VPS13D: variants seen among roughly 807,000 people sequenced by gnomAD.
VPS13D encodes intermembrane lipid transfer protein VPS13D.
Under a neutral mutation model 461.9 loss-of-function variants are expected in VPS13D, and 187 were observed. That is an observed-to-expected ratio of 0.40 (90% CI 0.36 to 0.46). VPS13D has a LOEUF of 0.46. VPS13D is among the 20% of genes least tolerant of loss of function. VPS13D has a pLI of 0.60. For synonymous variants in VPS13D, 1,951 were observed against 1,986.3 expected (o/e 0.98, Z 0.47); for missense variants, 4,711 against 5,364.9 (o/e 0.88, Z 3.81).
At chr1:12,506,629 A>G (rs1178632951) in intron 68 of VPS13D, among the ~76,000 whole-genome samples, 2 of 152,254 alleles carry the variant, frequency 1.3e-5, no homozygotes, top group East Asian at 1.9e-4. Context: ...GTTTTGTCCA[A>G]TAGAGTATTG....
chr1:12,363,034 G>A lies in VPS13D; in HGVS notation c.10273-38G>A, dbSNP rs753849565. Reference sequence around the variant, plus strand: ...TCAGTAACACTTATTGTCATGAATCGACTTGTTGACTAAAGCCTGTGATCC... The same window carrying A: ...TCAGTAACACTTATTGTCATGAATCAACTTGTTGACTAAAGCCTGTGATCC... On this transcript the variant is annotated intron_variant, in intron 51 of 69. Transcript: ENST00000620676. The A allele has an allele frequency of 6.2e-6, 10 of 1,608,558 alleles. No individual in the cohort carries two copies. The Admixed American group carries it at 1.3e-4, about 22-fold the overall frequency.
chr1:12,309,965 A>C (rs927144415), intron 27 of VPS13D, among the ~76,000 whole-genome samples: 1 of 152,096 alleles, frequency 6.6e-6, no homozygotes, highest in African/African-American at 2.4e-5. Context: ...GTGTTATTCA[A>C]GTGCTCCCTG....
chr1:12,263,725 A>AC lies in VPS13D; in HGVS notation c.1594+1646dup, dbSNP rs768646628. Among the ~76,000 whole-genome samples the AC allele has an allele frequency of 3.3e-4, 50 of 152,308 alleles. 3 individuals carry two copies. Among genetic ancestry groups the AC allele is most frequent in the Admixed American group, 2.2e-3 (33 of 15,302 alleles). On this transcript the variant is annotated intron_variant, in intron 13 of 69. Coordinates refer to ENST00000620676, the MANE Select transcript of VPS13D (RefSeq NM_015378.4). ...TTTTTTTAAAAAGCCAGTTTGTTTGACTTCATAATGTAGAAAATTGAGCTG... is the reference window on the plus strand; with the variant it reads ...TTTTTTTAAAAAGCCAGTTTGTTTGACCTTCATAATGTAGAAAATTGAGCTG...
intron 65 of VPS13D, among the ~76,000 whole-genome samples, chr1:12,418,056 G>A (rs960660387): frequency 6.6e-6 from 1 of 152,076 alleles, no homozygotes; most frequent in Non-Finnish European, 1.5e-5. Flanking sequence ...ACAGGTGCCC[G>A]GCACCACACC....
chr1:12,321,083 T>G (rs1221918136), intron 32 of VPS13D, among the ~76,000 whole-genome samples: 1 of 152,184 alleles, frequency 6.6e-6, no homozygotes, highest in Non-Finnish European at 1.5e-5. Flanking sequence ...GCAAAATAAT[T>G]TGGTCCTAGA....
At chr1:12,405,198 G>A (rs140379583) in intron 63 of VPS13D, among the ~76,000 whole-genome samples, 1 of 152,200 alleles carries the variant, frequency 6.6e-6, no homozygotes, top group Non-Finnish European at 1.5e-5. Flanking sequence ...CGCTCCAGCC[G>A]CTTGCTGTCA....
chr1:12,366,456 T>C (rs1426774618), intron 52 of VPS13D, among the ~76,000 whole-genome samples: 1 of 152,172 alleles, frequency 6.6e-6, no homozygotes, highest in East Asian at 1.9e-4. Context: ...GCATAATGTG[T>C]TCCCCGTAAG....
At chr1:12,443,938 T>A (rs1160797995) in intron 65 of VPS13D, among the ~76,000 whole-genome samples, 1 of 151,668 alleles carries the variant, frequency 6.6e-6, no homozygotes, top group Non-Finnish European at 1.5e-5. Context: ...CTCCACCTCC[T>A]GGATTCAAAC....
In VPS13D at chr1:12,322,600, C is replaced by A; in HGVS notation, c.7769C>A (p.Ala2590Glu). 1 of 1,614,226 alleles carries A rather than the reference C, an allele frequency of 6.2e-7. No individual in the cohort carries two copies. Among genetic ancestry groups the A allele is most frequent in the Non-Finnish European group, 8.5e-7 (1 of 1,180,026 alleles). The change falls in exon 34 of 70, where the codon GCA becomes GAA. Residue 2590 changes from alanine to glutamate, a missense_variant. By Grantham distance (107) the Ala-to-Glu change is moderately radical. Coordinates refer to ENST00000620676, the MANE Select transcript of VPS13D (RefSeq NM_015378.4). ...GATGTTCAGCTGTTTCTTGCCATTG[C>A]AAAATCCATCCCAGAGCAAGCTAAT... ...YNDVQLFLAI[A>E]KSIPEQANAA... is the part of the protein sequence containing the mutation.
intron 9 of VPS13D, 129 bp from the exon 10 acceptor site, chr1:12,257,806 A>G (rs1640967631): frequency 8.7e-7 from 1 of 1,150,806 alleles, no homozygotes; most frequent in South Asian, 1.5e-5. Context: ...AACTTAATAT[A>G]TAAACTGGTG....
chr1:12,321,130 C>T (rs1643023745), intron 32 of VPS13D, among the ~76,000 whole-genome samples: 2 of 152,226 alleles, frequency 1.3e-5, no homozygotes, highest in Admixed American at 1.3e-4. Context: ...TTCTTTCTCT[C>T]TCCCAATGAA....
Position 12,485,468 on chromosome 1 carries a change from G to A in VPS13D, c.12663-12032G>A, listed in dbSNP as rs138634178. ...TATGGCACAAGAGCCCTTCTGGCCC[G>A]CATCACCCTGTGTACTGATTAGGCA... On this transcript the variant is annotated intron_variant, in intron 67 of 69. Coordinates refer to ENST00000620676, the MANE Select transcript of VPS13D (RefSeq NM_015378.4). 2.3e-3 allele frequency among the ~76,000 whole-genome samples: 356 copies of A among 152,310 alleles called. 2 individuals are homozygous for A. The highest frequency in any genetic ancestry group is 8.0e-3 in the African/African-American group (334 of 41,564).
At chr1:12,332,108 T>C (rs1643348037) in intron 37 of VPS13D, among the ~76,000 whole-genome samples, 1 of 152,252 alleles carries the variant, frequency 6.6e-6, no homozygotes, top group African/African-American at 2.4e-5. Flanking sequence ...ATTAGAACTA[T>C]ACATTACTAC....
chr1:12,259,565 A>G (rs1641038077), intron 10 of VPS13D, among the ~76,000 whole-genome samples: 1 of 152,062 alleles, frequency 6.6e-6, no homozygotes, highest in African/African-American at 2.4e-5. Flanking sequence ...TGGCCTCCCA[A>G]AGTGCTGGGA....
In VPS13D at chr1:12,283,035, T is replaced by C; in HGVS notation, c.4933T>C (p.Leu1645=). 1 of 1,614,196 alleles carries C rather than the reference T, an allele frequency of 6.2e-7. No homozygotes were observed. The highest frequency in any genetic ancestry group is 8.5e-7 in the Non-Finnish European group (1 of 1,180,034). ...LTLGAQGLVS[L]KFQDFEVEFS... is the part of the protein sequence containing the mutation. ...TTTGGGGGCCCAAGGTCTTGTGAGC[T>C]TAAAGTTTCAGGACTTTGAGGTGGA... The change falls in exon 21 of 70, where the codon TTA becomes CTA. Residue 1645 remains leucine, a synonymous_variant. Transcript: ENST00000620676.
intron 44 of VPS13D, among the ~76,000 whole-genome samples, chr1:12,347,435 G>T (rs2101586716): frequency 6.6e-6 from 1 of 152,318 alleles, no homozygotes; most frequent in Non-Finnish European, 1.5e-5. Context: ...CTCCCAGAGT[G>T]CTGGGATTAC....
intron 35 of VPS13D, among the ~76,000 whole-genome samples, chr1:12,325,627 TGTACTG>T (rs1643162014): frequency 6.6e-6 from 1 of 152,220 alleles, no homozygotes; most frequent in Admixed American, 6.5e-5. Context: ...ACATTTTTAA[TGTACTG>T]GTAGATTCTG....
Position 12,276,521 on chromosome 1 carries a change from T to G in VPS13D, c.2933T>G (p.Leu978Arg). Residue 978 changes from leucine (L) to arginine (R), a missense_variant, in exon 19 of 70, where the codon CTC becomes CGC. This residue lies in a region of VPS13D where 4,411 missense variants were observed against 4,937.8 expected (regional missense o/e 0.89). Coordinates refer to ENST00000620676, the MANE Select transcript of VPS13D (RefSeq NM_015378.4). This position sits in a 1 kb window ranked among gnomAD's most constrained non-coding sequence, Gnocchi z 4.5. ...VESNGRYISVLKVFGTNAHFV... is the reference protein window; with the variant it reads ...VESNGRYISVRKVFGTNAHFV... ...AGCAATGGCCGGTACATTTCTGTGC[T>G]CAAGGTGTTTGGTACCAATGCTCAC... is the stretch of plus-strand genomic sequence containing the variant. The G allele has an allele frequency of 6.2e-7, 1 of 1,614,164 alleles. No individual in the cohort carries two copies. Among genetic ancestry groups the G allele is most frequent in the Non-Finnish European group, 8.5e-7 (1 of 1,180,034 alleles).
intron 65 of VPS13D, among the ~76,000 whole-genome samples, chr1:12,430,862 T>C (rs948223566): frequency 6.6e-6 from 1 of 152,240 alleles, no homozygotes; most frequent in African/African-American, 2.4e-5. Context: ...CAAAGCCAGA[T>C]AGATTTTACC....
Sources: gnomAD v4.1 joint callset for allele counts (sites outside exome capture counted in the v4.1 genomes callset) on GRCh38, gnomAD v4.1.1 for gene constraint, gnomAD v4.1.1 regional missense constraint, Gnocchi (gnomAD v3.1) non-coding constraint, MANE v1.5 for transcripts, NCBI Gene and HGNC (gene_info 2026-07-23, HGNC 2026-07-21) for gene names.